Variants in CTNNA3 observed in about 807,000 individuals in gnomAD.
The protein encoded by CTNNA3 is catenin alpha-3.
Under a neutral mutation model 95.7 loss-of-function variants are expected in CTNNA3, and 76 were observed. The ratio of observed to expected loss-of-function variants is 0.79; its 90% CI spans 0.66 to 0.96. The LOEUF (loss-of-function observed/expected upper bound fraction) is 0.96, where lower values mean the gene tolerates loss of function less well. Among genes scored for constraint, CTNNA3 ranks in the 40% least tolerant of loss-of-function variants. CTNNA3 has a pLI of 0.00. For synonymous variants in CTNNA3, 431 were observed against 374.4 expected (o/e 1.15, Z -1.74); for missense variants, 1,191 against 1,089.8 (o/e 1.09, Z -1.31).
At chr10:67,740,217 C>T (rs1264721956) in intron 1 of CTNNA3, among the ~76,000 whole-genome samples, 2 of 152,046 alleles carry the variant, frequency 1.3e-5, no homozygotes, top group Non-Finnish European at 2.9e-5. Flanking sequence ...AGAAGAAAAC[C>T]TAGGCATTAC....
At chr10:67,121,630 A>G (rs1162071541) in intron 7 of CTNNA3, among the ~76,000 whole-genome samples, 1 of 152,064 alleles carries the variant, frequency 6.6e-6, no homozygotes, top group Non-Finnish European at 1.5e-5. Flanking sequence ...AGTGCTGGCC[A>G]CAGTACACGT....
rs1467022117 is a variant in CTNNA3 at position 66,365,016 on chromosome 10, T to C, written c.1732+14136A>G. 2.0e-5 allele frequency among the ~76,000 whole-genome samples: 3 copies of C among 152,286 alleles called. No individual in the cohort carries two copies. In the East Asian group the frequency reaches 5.8e-4, roughly 29 times the overall value. ...TTGTATTATTCATCCATTTAATATATACATTTACTGTATGTCAGGTCCTTT... is the reference window on the plus strand; with the variant it reads ...TTGTATTATTCATCCATTTAATATACACATTTACTGTATGTCAGGTCCTTT... On this transcript the variant is annotated intron_variant, in intron 12 of 17. Transcript: ENST00000433211.
intron 12 of CTNNA3, among the ~76,000 whole-genome samples, chr10:66,317,211 G>A (rs1214839363): frequency 1.3e-5 from 2 of 152,054 alleles, no homozygotes; most frequent in Admixed American, 6.5e-5. Context: ...AGAAAATGGT[G>A]ATGTTTCTAA....
At chr10:66,237,153 T>C (rs1367591578) in intron 13 of CTNNA3, among the ~76,000 whole-genome samples, 2 of 151,990 alleles carry the variant, frequency 1.3e-5, no homozygotes, top group African/African-American at 4.8e-5. Flanking sequence ...AAAAAAAGAA[T>C]ATGAAATATC....
chr10:67,022,481 A>G (rs915287678), intron 7 of CTNNA3, among the ~76,000 whole-genome samples: 7 of 152,154 alleles, frequency 4.6e-5, no homozygotes, highest in Admixed American at 2.6e-4. Flanking sequence ...TCACAGACTA[A>G]TAAAAATAAA....
chr10:67,395,179 C>CA (rs1564622664), intron 5 of CTNNA3, among the ~76,000 whole-genome samples: 2 of 151,972 alleles, frequency 1.3e-5, no homozygotes, highest in African/African-American at 2.4e-5. Context: ...AATTTATTCT[C>CA]AAAAAAAGGA....
intron 11 of CTNNA3, among the ~76,000 whole-genome samples, chr10:66,480,764 C>T (rs1839494085): frequency 6.6e-6 from 1 of 152,002 alleles, no homozygotes; most frequent in African/African-American, 2.4e-5. Flanking sequence ...GCCACCATGC[C>T]CGGTTAATTT....
At chr10:67,328,831 C>T (rs983355683) in intron 5 of CTNNA3, among the ~76,000 whole-genome samples, 27 of 152,096 alleles carry the variant, frequency 1.8e-4, no homozygotes, top group Non-Finnish European at 2.6e-4. Context: ...TCTTGTCCCC[C>T]ACCAATTCTT....
At chr10:66,706,252 A>G (rs530817464) in intron 9 of CTNNA3, among the ~76,000 whole-genome samples, 64 of 151,814 alleles carry the variant, frequency 4.2e-4, no homozygotes, top group Admixed American at 1.1e-3. Context: ...TCATCCATTC[A>G]TTCTTCCTTT....
chr10:67,620,946 TATATAC>T (rs1374486827), intron 2 of CTNNA3, among the ~76,000 whole-genome samples: 41 of 141,012 alleles, frequency 2.9e-4, no homozygotes, highest in Non-Finnish European at 4.8e-4. Flanking sequence ...TATATATATA[TATATAC>T]AGAAATGTGG....
intron 9 of CTNNA3, among the ~76,000 whole-genome samples, chr10:66,707,070 T>C (rs1848141783): frequency 6.6e-6 from 1 of 152,044 alleles, no homozygotes; most frequent in African/African-American, 2.4e-5. Flanking sequence ...ATAGTAAGAA[T>C]ACTAATGTGT....
At chr10:66,325,408 C>T (rs1026086426) in intron 12 of CTNNA3, among the ~76,000 whole-genome samples, 1 of 152,020 alleles carries the variant, frequency 6.6e-6, no homozygotes, top group Non-Finnish European at 1.5e-5. Context: ...GAAAAAATAA[C>T]GTGCTTCTTT....
chr10:67,532,118 G>A (rs572802063), intron 4 of CTNNA3, among the ~76,000 whole-genome samples: 1 of 152,222 alleles, frequency 6.6e-6, no homozygotes, highest in Non-Finnish European at 1.5e-5. Context: ...GTCTTTATCA[G>A]CAGAGTGAAA....
intron 7 of CTNNA3, among the ~76,000 whole-genome samples, chr10:66,795,321 C>A (rs1268967135): frequency 6.6e-6 from 1 of 152,150 alleles, no homozygotes; most frequent in African/African-American, 2.4e-5. Flanking sequence ...TGTTACCAGG[C>A]ATGAAAACAA....
intron 3 of CTNNA3, among the ~76,000 whole-genome samples, chr10:67,588,153 C>T (rs1052053462): frequency 6.7e-4 from 101 of 150,188 alleles, no homozygotes; most frequent in African/African-American, 2.4e-3. Flanking sequence ...TGCATCTCAC[C>T]GAGCTTCCTT....
At chr10:66,108,775 C>A (rs1411888235) in intron 13 of CTNNA3, among the ~76,000 whole-genome samples, 1 of 152,228 alleles carries the variant, frequency 6.6e-6, no homozygotes, top group East Asian at 1.9e-4. Flanking sequence ...AATTTAATTA[C>A]TGACAAGCTT....
chr10:66,637,122 C>G (rs780172762), intron 9 of CTNNA3, among the ~76,000 whole-genome samples: 18 of 152,054 alleles, frequency 1.2e-4, no homozygotes, highest in South Asian at 4.1e-4. Flanking sequence ...TAATAAATCC[C>G]AGTAACAGAA....
intron 6 of CTNNA3, among the ~76,000 whole-genome samples, chr10:67,184,653 G>A (rs1023449498): frequency 2.6e-5 from 4 of 152,158 alleles, no homozygotes; most frequent in Non-Finnish European, 5.9e-5. Flanking sequence ...CTGCCACCTT[G>A]AGCTTCATCT....
chr10:66,462,671 C>T (rs2093537715), intron 11 of CTNNA3, among the ~76,000 whole-genome samples: 1 of 152,084 alleles, frequency 6.6e-6, no homozygotes, highest in South Asian at 2.1e-4. Flanking sequence ...AAGCATCTTA[C>T]AATCTTACAC....
Sources: gnomAD v4.1 joint callset for allele counts (sites outside exome capture counted in the v4.1 genomes callset) on GRCh38, gnomAD v4.1.1 for gene constraint, MANE v1.5 for transcripts, NCBI Gene and HGNC (gene_info 2026-07-23, HGNC 2026-07-21) for gene names.